ATXN7: variants seen among roughly 807,000 people sequenced by gnomAD.
ATXN7 encodes the protein ataxin-7.
Under a neutral mutation model 70.5 loss-of-function variants are expected in ATXN7, and 12 were observed. That is an observed-to-expected ratio of 0.17 (90% confidence interval 0.11 to 0.28). ATXN7 has a LOEUF of 0.28. Ranked by LOEUF, ATXN7 falls within the 10% of genes least tolerant of loss-of-function variation. ATXN7 has a pLI of 1.00. For synonymous variants in ATXN7, 498 were observed against 448.7 expected (o/e 1.11, Z -1.39); for missense variants, 1,256 against 1,131.7 (o/e 1.11, Z -1.58).
chr3:63,934,480 G>A (rs571219392), intron 4 of ATXN7, among the ~76,000 whole-genome samples: 1 of 152,252 alleles, frequency 6.6e-6, no homozygotes, highest in East Asian at 1.9e-4. Flanking sequence ...TGGGGCACTA[G>A]GAAAGAGATG....
At chr3:63,920,034 T>C (rs78866642) in intron 4 of ATXN7, among the ~76,000 whole-genome samples, 2,916 of 152,088 alleles carry the variant, frequency 0.019, 39 homozygotes, top group African/African-American at 0.045. Context: ...TTAGGAGTTA[T>C]AGGAAGAATT....
At chr3:63,921,321 G>GA (rs1704502582) in intron 4 of ATXN7, among the ~76,000 whole-genome samples, 1 of 151,876 alleles carries the variant, frequency 6.6e-6, no homozygotes. Flanking sequence ...TCATGCAACA[G>GA]AAAAAAAGGT....
At chr3:63,992,125 A>G (rs1449292968) in intron 11 of ATXN7, among the ~76,000 whole-genome samples, 5 of 152,164 alleles carry the variant, frequency 3.3e-5, no homozygotes, top group African/African-American at 1.2e-4. Flanking sequence ...CAGTACATTC[A>G]TTTGACTCCC....
At position 63,996,171 on chromosome 3, in the gene ATXN7, C is replaced by G; in HGVS notation, c.2349C>G (p.Ser783Arg). ...DQSGRGPPTGSPAESIKRMSV... is the reference protein window; with the variant it reads ...DQSGRGPPTGRPAESIKRMSV... ...CAGGGAGGGGCCCCCCCACCGGGAG[C>G]CCTGCTGAATCCATCAAGAGGATGA... is the stretch of plus-strand genomic sequence containing the variant. The change falls in exon 12 of 13, where the codon AGC (serine) becomes AGG (arginine). Residue 783 changes from serine (S) to arginine (R), a missense_variant. Physicochemically the swap from Ser to Arg is moderately radical, Grantham distance 110. Coordinates refer to ENST00000674280, the MANE Select transcript of ATXN7 (RefSeq NM_001377405.1). 6.2e-7 allele frequency: 1 copy of G among 1,614,154 alleles called. No homozygotes were observed. The highest frequency in any genetic ancestry group is 1.1e-5 in the South Asian group (1 of 91,080).
rs546695083 is a variant in ATXN7 at position 63,906,613 on chromosome 3, G to A, written c.-11-5975G>A. On this transcript the variant is annotated intron_variant, in intron 2 of 12. Transcript: ENST00000674280. ...AGTCCTGTGATATAGAGGTGGGGAT[G>A]AGTTCCCATGTATGTGCTTAGTGAG... Among the ~76,000 whole-genome samples, 64 of 152,336 alleles carry A rather than the reference G, an allele frequency of 4.2e-4. 1 individual carries two copies. In the South Asian group the frequency reaches 0.013, roughly 31 times the overall value.
At chr3:63,930,674 G>A (rs537833510) in intron 4 of ATXN7, among the ~76,000 whole-genome samples, 63 of 152,048 alleles carry the variant, frequency 4.1e-4, no homozygotes, top group African/African-American at 1.5e-3. Context: ...GACTACAGGC[G>A]CCCACGACCA....
chr3:63,930,330 A>G (rs1418024062), intron 4 of ATXN7, among the ~76,000 whole-genome samples: 2 of 152,118 alleles, frequency 1.3e-5, no homozygotes, highest in East Asian at 1.9e-4. Flanking sequence ...CTTGCAAGCT[A>G]TTGGTTTGGC....
In ATXN7 at chr3:63,988,042, A is replaced by AT. The variant is rs757673995; in HGVS notation, c.1096-10dup. On this transcript the variant is annotated splice_polypyrimidine_tract_variant and intron_variant, in intron 8 of 12. Coordinates refer to ENST00000674280, the MANE Select transcript of ATXN7 (RefSeq NM_001377405.1). ...ATTAATGAGATTCCTCAGTTTCTGT[A>AT]TTTTTTTGGTCCACAGACACATTCC... 32 of 1,608,026 alleles carry AT rather than the reference A, an allele frequency of 2.0e-5. No homozygotes were observed. In the East Asian group the frequency reaches 6.9e-4, roughly 35 times the overall value.
chr3:63,871,794 TATTAA>T (rs1391538916), intron 1 of ATXN7, among the ~76,000 whole-genome samples: 4 of 152,192 alleles, frequency 2.6e-5, no homozygotes, highest in Non-Finnish European at 4.4e-5. Flanking sequence ...CTGTTTTAAT[TATTAA>T]ATTATAATCT....
chr3:63,863,320 C>T, upstream of ATXN7: 2 of 525,806 alleles, frequency 3.8e-6, no homozygotes, highest in Non-Finnish European at 4.9e-6. Flanking sequence ...CCCAGACCTC[C>T]ACAAACCTTC....
At chr3:63,958,939 A>C (rs2075079132) in intron 5 of ATXN7, among the ~76,000 whole-genome samples, 1 of 152,146 alleles carries the variant, frequency 6.6e-6, no homozygotes, top group South Asian at 2.1e-4. Context: ...ATTCGGAGAC[A>C]ATATGAATTG....
At chr3:63,982,623 AGTGTGTGT>A (rs71099784) in intron 7 of ATXN7, among the ~76,000 whole-genome samples, 178 bp downstream of exon 7, 1,853 of 143,562 alleles carry the variant, frequency 0.013, 13 homozygotes, top group Middle Eastern at 0.031. Flanking sequence ...AAAGAGCATG[AGTGTGTGT>A]GTGTGTGTGT....
intron 4 of ATXN7, among the ~76,000 whole-genome samples, chr3:63,929,586 A>T (rs1329575434): frequency 6.6e-6 from 1 of 152,000 alleles, no homozygotes; most frequent in Non-Finnish European, 1.5e-5. Flanking sequence ...TTCTTTTGAG[A>T]ATTAGAATTG....
At chr3:63,895,422 TG>T (rs1703411779) in intron 1 of ATXN7, among the ~76,000 whole-genome samples, 1 of 152,236 alleles carries the variant, frequency 6.6e-6, no homozygotes, top group Non-Finnish European at 1.5e-5. Context: ...TTCGGCCTTC[TG>T]CAGTATATTC....
intron 1 of ATXN7, among the ~76,000 whole-genome samples, chr3:63,891,309 C>T (rs77833045): frequency 0.023 from 3,458 of 149,630 alleles, 130 homozygotes; most frequent in African/African-American, 0.077. Flanking sequence ...AGCGACTGCA[C>T]CTGGCCCCAG....
chr3:63,982,754 CT>C (rs1195731017), intron 7 of ATXN7, 184 bp from the exon 8 acceptor site: 7 of 617,408 alleles, frequency 1.1e-5, no homozygotes, highest in African/African-American at 3.8e-5. Context: ...TAGTCACCCC[CT>C]GTCTTAGTGA....
chr3:63,974,328 A>G (rs1170354923), intron 5 of ATXN7, among the ~76,000 whole-genome samples: 2 of 152,252 alleles, frequency 1.3e-5, no homozygotes, highest in African/African-American at 4.8e-5. Flanking sequence ...CAGCCTATGC[A>G]GACTTGTACA....
chr3:63,923,046 C>T (rs1179548250), intron 4 of ATXN7, among the ~76,000 whole-genome samples: 2 of 152,198 alleles, frequency 1.3e-5, no homozygotes, highest in Non-Finnish European at 2.9e-5. Flanking sequence ...GGTCATTTCA[C>T]TTTCTGACCA....
chr3:63,873,694 T>G (rs1702663443), intron 1 of ATXN7: 1 of 152,184 alleles, frequency 6.6e-6, no homozygotes, highest in Non-Finnish European at 1.5e-5. Flanking sequence ...CAACCCTACA[T>G]CTAAGGGTTT....
Sources: gnomAD v4.1 joint callset for allele counts (sites outside exome capture counted in the v4.1 genomes callset) on GRCh38, gnomAD v4.1.1 for gene constraint, MANE v1.5 for transcripts, NCBI Gene and HGNC (gene_info 2026-07-23, HGNC 2026-07-21) for gene names.